The following SPRED2 variants were observed in gnomAD, a reference collection of about 807,000 sequenced individuals.
The protein encoded by SPRED2 is sprouty related EVH1 domain containing 2.
A neutral mutation model predicts 43.0 loss-of-function variants in SPRED2; 47 were observed. The observed-to-expected ratio is 1.09, with a 90% CI of 0.87 to 1.40. SPRED2 has a LOEUF of 1.40. SPRED2 is among the 40% of genes most tolerant of loss of function. The pLI is 0.00. For synonymous variants in SPRED2, 225 were observed against 225.7 expected, an observed-to-expected ratio of 1.00 and a Z score of 0.03; for missense variants, 561 against 586.4, an observed-to-expected ratio of 0.96 and a Z score of 0.45.
downstream of SPRED2, among the ~76,000 whole-genome samples, chr2:65,307,778 C>T (rs563624587): frequency 6.6e-6 from 1 of 152,324 alleles, no homozygotes; most frequent in African/African-American, 2.4e-5. Flanking sequence ...TCTGGTTCTA[C>T]AAGATGTTAA....
At chr2:65,355,822 G>A (rs1033044723) in intron 1 of SPRED2, among the ~76,000 whole-genome samples, 2 of 152,102 alleles carry the variant, frequency 1.3e-5, no homozygotes, top group African/African-American at 4.8e-5. Flanking sequence ...AACCCATCCC[G>A]AAGAAACGTT....
Position 65,312,196 on chromosome 2 carries a change from T to G in SPRED2, c.*1305A>C. Reference sequence around the variant, plus strand: ...TGGCAAGGCGACAGGCAGAACCAGTTGGCTGACCTAACCACCTGTGCACCC... The same window carrying G: ...TGGCAAGGCGACAGGCAGAACCAGTGGGCTGACCTAACCACCTGTGCACCC... On this transcript the variant is annotated 3_prime_UTR_variant, in exon 6 of 6. Transcript: ENST00000356388. 1 of 985,742 alleles carries G rather than the reference T, an allele frequency of 1.0e-6. No individual in the cohort carries two copies. The highest frequency in any genetic ancestry group is 1.2e-6 in the Non-Finnish European group (1 of 829,938). 61.1% of individuals were successfully genotyped at this position (985,742 alleles called of 1,614,324 possible). A position where few individuals can be genotyped will look rare whatever the true frequency, so the allele number is the denominator to read the frequency against.
At chr2:65,346,925 T>C (rs1674365913) in intron 1 of SPRED2, among the ~76,000 whole-genome samples, 1 of 152,218 alleles carries the variant, frequency 6.6e-6, no homozygotes, top group Admixed American at 6.5e-5. Flanking sequence ...ATTATTGACA[T>C]GGAGGATTCC....
chr2:65,430,924 G>A lies in SPRED2; in HGVS notation c.26+1038C>T, dbSNP rs373588732. Among the ~76,000 whole-genome samples, 21 of 151,844 alleles carry A rather than the reference G, an allele frequency of 1.4e-4. No homozygotes were observed. The East Asian group carries it at 3.3e-3, about 24-fold the overall frequency. ...CCACTGAGCAGCAGCGGCGGCCGCC[G>A]CGCGGTGACCGCTCAAACCCCAGGC... On this transcript the variant is annotated intron_variant, in intron 1 of 5. Transcript: ENST00000356388.
In SPRED2 at chr2:65,312,219, C is replaced by T. The variant is rs1322915064; in HGVS notation, c.*1282G>A. The T allele has an allele frequency of 1.0e-6, 1 of 985,724 alleles. No homozygotes were observed. Among genetic ancestry groups the T allele is most frequent in the African/African-American group, 1.7e-5 (1 of 57,340 alleles). The allele number at this position is 985,724 out of a possible 1,614,324, so 61.1% of individuals were successfully genotyped here. A position where few individuals can be genotyped will look rare whatever the true frequency, so the allele number is the denominator to read the frequency against. On this transcript the variant is annotated 3_prime_UTR_variant, in exon 6 of 6. Transcript: ENST00000356388. Reference sequence around the variant, plus strand: ...GTTGGCTGACCTAACCACCTGTGCACCCAAAGTGGCGAGTCTGGGTTTGGA... The same window carrying T: ...GTTGGCTGACCTAACCACCTGTGCATCCAAAGTGGCGAGTCTGGGTTTGGA...
intron 1 of SPRED2, among the ~76,000 whole-genome samples, chr2:65,395,742 G>A (rs1022213715): frequency 1.3e-5 from 2 of 152,204 alleles, no homozygotes; most frequent in African/African-American, 4.8e-5. Context: ...ACCTGGGATA[G>A]TGTCCAGCAC....
At chr2:65,395,327 A>G (rs1675730373) in intron 1 of SPRED2, among the ~76,000 whole-genome samples, 1 of 152,092 alleles carries the variant, frequency 6.6e-6, no homozygotes, top group Non-Finnish European at 1.5e-5. Context: ...CCTGACCTTC[A>G]AGTCTGTGTG....
intron 2 of SPRED2, chr2:65,344,462 C>G: frequency 1.7e-6 from 1 of 590,524 alleles, no homozygotes. Context: ...ACATCTTAAT[C>G]AAAGATGCAA....
intron 1 of SPRED2, among the ~76,000 whole-genome samples, chr2:65,402,959 T>C (rs1176135784): frequency 6.6e-6 from 1 of 152,260 alleles, no homozygotes; most frequent in African/African-American, 2.4e-5. Flanking sequence ...AATGAATCTA[T>C]GTTTGGGGCA....
At position 65,363,849 on chromosome 2, in the gene SPRED2, G is replaced by A. The variant is rs757706853; in HGVS notation, c.27-18953C>T. 7.8e-4 allele frequency among the ~76,000 whole-genome samples: 119 copies of A among 152,160 alleles called. 1 individual carries two copies. The highest frequency in any genetic ancestry group is 3.7e-4 in the Non-Finnish European group (25 of 68,030). On this transcript the variant is annotated intron_variant, in intron 1 of 5. Coordinates refer to ENST00000356388, the MANE Select transcript of SPRED2 (RefSeq NM_181784.3). ...TTTATTGAATTCGTAATAGCTTTGA[G>A]TCTTTAGAATATAATTTTAGTAAGT...
At chr2:65,363,188 G>A (rs888804816) in intron 1 of SPRED2, among the ~76,000 whole-genome samples, 5 of 141,980 alleles carry the variant, frequency 3.5e-5, no homozygotes, top group Non-Finnish European at 6.1e-5. Flanking sequence ...GCAGTGAGCC[G>A]AGATTGTGCC....
intron 4 of SPRED2, among the ~76,000 whole-genome samples, chr2:65,324,485 C>G (rs1262408411): frequency 6.6e-6 from 1 of 152,164 alleles, no homozygotes; most frequent in East Asian, 1.9e-4. Flanking sequence ...AGGGCAACAC[C>G]TCAGGTTAAA....
At chr2:65,417,929 C>A (rs972125680) in intron 1 of SPRED2, among the ~76,000 whole-genome samples, 2 of 152,328 alleles carry the variant, frequency 1.3e-5, no homozygotes, top group South Asian at 2.1e-4. Flanking sequence ...AACAAAACTT[C>A]ACTTGGGTTA....
At chr2:65,388,242 AAC>A (rs1417226238) in intron 1 of SPRED2, among the ~76,000 whole-genome samples, 2 of 152,240 alleles carry the variant, frequency 1.3e-5, no homozygotes, top group Non-Finnish European at 2.9e-5. Flanking sequence ...AAGAAAGTTC[AAC>A]CTGAGTGAAT....
rs190831753 is a variant in SPRED2 at position 65,394,824 on chromosome 2, G to A, written c.26+37138C>T. Among the ~76,000 whole-genome samples, 493 of 152,246 alleles carry A rather than the reference G, an allele frequency of 3.2e-3. 2 individuals are homozygous for A. The highest frequency in any genetic ancestry group is 6.8e-3 in the Middle Eastern group (2 of 294). On this transcript the variant is annotated intron_variant, in intron 1 of 5. Coordinates refer to ENST00000356388, the MANE Select transcript of SPRED2 (RefSeq NM_181784.3). ...CTAGATATTCAAGTGCTGGCTAAAA[G>A]GCTTTTTCATTTTTATATGAAGAGA...
At chr2:65,329,845 G>A (rs1673755689) in intron 4 of SPRED2, among the ~76,000 whole-genome samples, 1 of 152,170 alleles carries the variant, frequency 6.6e-6, no homozygotes, top group East Asian at 1.9e-4. Flanking sequence ...TAGGAAGTCT[G>A]TTGGGAGCTA....
At chr2:65,366,725 T>C in intron 1 of SPRED2, 1 of 1,513,652 alleles carries the variant, frequency 6.6e-7, no homozygotes, top group Non-Finnish European at 8.8e-7. Flanking sequence ...TGAGAAGTGG[T>C]TTCCCCCATA....
intron 1 of SPRED2, among the ~76,000 whole-genome samples, chr2:65,402,383 G>A (rs1675926051): frequency 1.3e-5 from 2 of 152,056 alleles, no homozygotes; most frequent in African/African-American, 4.8e-5. Context: ...AGGAAAGGCC[G>A]GGTAAGCGGG....
chr2:65,313,451 G>A lies in SPRED2; in HGVS notation c.*50C>T, dbSNP rs762439557. ...GGGGAGAAGATGAGAGTATGTAAGA[G>A]ACGAGTTCCCCTGTGGCTGCGGATG... On this transcript the variant is annotated 3_prime_UTR_variant, in exon 6 of 6. Coordinates refer to ENST00000356388, the MANE Select transcript of SPRED2 (RefSeq NM_181784.3). 1.3e-6 allele frequency: 2 copies of A among 1,555,934 alleles called. No individual in the cohort carries two copies. Among genetic ancestry groups the A allele is most frequent in the Admixed American group, 3.7e-5 (2 of 53,484 alleles).
Sources: gnomAD v4.1 joint callset for allele counts (sites outside exome capture counted in the v4.1 genomes callset) on GRCh38, gnomAD v4.1.1 for gene constraint, MANE v1.5 for transcripts, NCBI Gene and HGNC (gene_info 2026-07-23, HGNC 2026-07-21) for gene names.